Variants in CADM2 observed in about 807,000 individuals in gnomAD.
CADM2 encodes the protein cell adhesion molecule 2.
CADM2 carries 12 observed loss-of-function variants against 49.8 expected under a neutral mutation model. That is an observed-to-expected ratio of 0.24 (90% confidence interval 0.15 to 0.39). The LOEUF is 0.39. Among genes scored for constraint, CADM2 ranks in the 10% least tolerant of loss-of-function variants. CADM2 has a pLI of 1.00. For synonymous variants in CADM2, 214 were observed against 175.4 expected, an observed-to-expected ratio of 1.22 and a Z score of -1.74; for missense variants, 378 against 492.3, an observed-to-expected ratio of 0.77 and a Z score of 2.20.
chr3:85,770,016 C>T lies in CADM2; in HGVS notation c.89-32031C>T, dbSNP rs535804803. Among the ~76,000 whole-genome samples the T allele has an allele frequency of 1.4e-3, 215 of 152,090 alleles. 1 individual carries two copies. The highest frequency in any genetic ancestry group is 2.4e-3 in the Non-Finnish European group (165 of 67,980). On this transcript the variant is annotated intron_variant, in intron 2 of 9. Coordinates refer to ENST00000383699, the MANE Select transcript of CADM2 (RefSeq NM_001167675.2). ...AAAACAAACAAAAAAAACAGCATTT[C>T]TTCAGCCTCTTTCAATAAGATATAG...
intron 1 of CADM2, among the ~76,000 whole-genome samples, chr3:85,316,343 A>G (rs529534218): frequency 6.5e-4 from 99 of 152,320 alleles, no homozygotes; most frequent in African/African-American, 2.3e-3. Flanking sequence ...AGTTGTGATT[A>G]AATTGTGAAG....
intron 1 of CADM2, among the ~76,000 whole-genome samples, chr3:85,721,412 G>A (rs2067498807): frequency 6.6e-6 from 1 of 152,114 alleles, no homozygotes; most frequent in Admixed American, 6.5e-5. Context: ...GGCCTGCTGG[G>A]CTCATTTCAC....
At chr3:86,002,000 C>CAGTG (rs1730243744) in intron 8 of CADM2, among the ~76,000 whole-genome samples, 1 of 151,826 alleles carries the variant, frequency 6.6e-6, no homozygotes, top group Admixed American at 6.6e-5. Flanking sequence ...GAAGATTCAC[C>CAGTG]AGTGGATGGG....
intron 3 of CADM2, among the ~76,000 whole-genome samples, chr3:85,874,142 G>T (rs1364721341): frequency 6.6e-6 from 1 of 152,054 alleles, no homozygotes; most frequent in African/African-American, 2.4e-5. Context: ...TGTACTCTAA[G>T]AAGTTGTTTA....
intron 1 of CADM2, among the ~76,000 whole-genome samples, chr3:85,238,858 A>G (rs2042466787): frequency 6.6e-6 from 1 of 151,878 alleles, no homozygotes; most frequent in African/African-American, 2.4e-5. Flanking sequence ...CTTTTAGGTC[A>G]AGATGCTCCT....
At chr3:85,425,312 A>C (rs971464121) in intron 1 of CADM2, among the ~76,000 whole-genome samples, 1 of 152,226 alleles carries the variant, frequency 6.6e-6, no homozygotes, top group Non-Finnish European at 1.5e-5. Context: ...TGAAGCAGTA[A>C]AATGTTTTTA....
intron 8 of CADM2, among the ~76,000 whole-genome samples, chr3:85,975,397 T>C (rs983957266): frequency 2.0e-5 from 3 of 151,308 alleles, no homozygotes; most frequent in Admixed American, 6.6e-5. Flanking sequence ...TTCTTATTAA[T>C]GAGAGTATTT....
chr3:85,140,284 A>G (rs1242286642), intron 1 of CADM2, among the ~76,000 whole-genome samples: 3 of 152,206 alleles, frequency 2.0e-5, no homozygotes, highest in Admixed American at 1.3e-4. Flanking sequence ...ACCAGTTTAC[A>G]TAAATTAAAT....
chr3:85,117,922 A>G (rs112078952), intron 1 of CADM2, among the ~76,000 whole-genome samples: 1 of 152,106 alleles, frequency 6.6e-6, no homozygotes, highest in Non-Finnish European at 1.5e-5. Context: ...TGAAGCTTTC[A>G]TGAGGCTTTT....
chr3:85,124,337 C>T (rs2038959202), intron 1 of CADM2, among the ~76,000 whole-genome samples: 1 of 152,164 alleles, frequency 6.6e-6, no homozygotes, highest in African/African-American at 2.4e-5. Flanking sequence ...GGTGCGGTAG[C>T]TCATGACTAT....
At chr3:85,443,969 A>G (rs1000309373) in intron 1 of CADM2, among the ~76,000 whole-genome samples, 1 of 151,942 alleles carries the variant, frequency 6.6e-6, no homozygotes, top group African/African-American at 2.4e-5. Flanking sequence ...TTTCCATTCC[A>G]CTATCTCATT....
chr3:85,514,124 A>AT (rs1165114235), intron 1 of CADM2, among the ~76,000 whole-genome samples: 2 of 151,860 alleles, frequency 1.3e-5, no homozygotes, highest in Non-Finnish European at 2.9e-5. Flanking sequence ...TCAATTAGCA[A>AT]TTTTTTTCTT....
intron 3 of CADM2, 79 bp downstream of exon 3, chr3:85,802,275 T>A: frequency 8.1e-7 from 1 of 1,237,358 alleles, no homozygotes; most frequent in Non-Finnish European, 1.1e-6. Flanking sequence ...TCTGAGATGA[T>A]TCAAACTATT....
intron 8 of CADM2, among the ~76,000 whole-genome samples, chr3:86,010,295 A>T (rs1030747793): frequency 2.6e-5 from 4 of 151,996 alleles, no homozygotes; most frequent in African/African-American, 9.6e-5. Flanking sequence ...CAAATAAAAA[A>T]TATAACTGTT....
intron 1 of CADM2, among the ~76,000 whole-genome samples, chr3:85,336,483 C>T (rs950620233): frequency 1.3e-5 from 2 of 151,146 alleles, no homozygotes; most frequent in African/African-American, 4.8e-5. Flanking sequence ...AAATTGATAG[C>T]GAATGTTTTC....
chr3:85,013,093 A>G (rs1369183375), intron 1 of CADM2, among the ~76,000 whole-genome samples: 2 of 151,348 alleles, frequency 1.3e-5, no homozygotes, highest in South Asian at 4.2e-4. Context: ...ACATTTTTTC[A>G]TTTGATGATA....
intron 1 of CADM2, among the ~76,000 whole-genome samples, chr3:85,476,954 G>T (rs1178756982): frequency 2.7e-5 from 3 of 111,284 alleles, no homozygotes; most frequent in African/African-American, 8.7e-5. Flanking sequence ...CAGTCACAGT[G>T]GTCTGACATA....
chr3:85,912,464 A>G lies in CADM2; in HGVS notation c.621A>G (p.Gly207=), dbSNP rs2108481775. ...LDFRVDRSDD[G]VAVICRVDHE... is the part of the protein sequence containing the mutation. ...TCCGAGTGGACCGGAGTGATGATGG[A>G]GTGGCGGTCATCTGCAGAGTAGATC... The change falls in exon 6 of 10, where the codon GGA becomes GGG. Residue 207 remains glycine, a synonymous_variant. Transcript: ENST00000383699. The G allele has an allele frequency of 6.2e-7, 1 of 1,614,102 alleles. No individual in the cohort carries two copies. Among genetic ancestry groups the G allele is most frequent in the Non-Finnish European group, 8.5e-7 (1 of 1,179,986 alleles).
At chr3:85,333,211 A>T (rs1295870876) in intron 1 of CADM2, among the ~76,000 whole-genome samples, 39 of 151,930 alleles carry the variant, frequency 2.6e-4, no homozygotes, top group Non-Finnish European at 8.9e-5. Context: ...AACTGTATGA[A>T]TGAATAGAAT....
Sources: allele counts gnomAD v4.1 joint callset (sites outside exome capture counted in the v4.1 genomes callset), GRCh38; gene constraint gnomAD v4.1.1; transcripts MANE v1.5; gene names NCBI Gene and HGNC (gene_info 2026-07-23, HGNC 2026-07-21).